The following PDE2A variants were observed in gnomAD, a reference collection of about 807,000 sequenced individuals.
PDE2A encodes cGMP-dependent 3',5'-cyclic phosphodiesterase.
Under a neutral mutation model 133.6 loss-of-function variants are expected in PDE2A, and 53 were observed. The ratio of observed to expected loss-of-function variants is 0.40; its 90% CI spans 0.32 to 0.50. The LOEUF (loss-of-function observed/expected upper bound fraction) is 0.50, where lower values mean the gene tolerates loss of function less well. PDE2A is among the 20% of genes least tolerant of loss of function. PDE2A has a pLI of 0.73. For synonymous variants in PDE2A, 491 were observed against 490.2 expected (o/e 1.00, Z -0.02); for missense variants, 796 against 1,232.4 (o/e 0.65, Z 5.30).
At chr11:72,600,041 G>A (rs1006715453) in intron 4 of PDE2A, among the ~76,000 whole-genome samples, 2 of 152,222 alleles carry the variant, frequency 1.3e-5, no homozygotes, top group African/African-American at 4.8e-5. Context: ...TGAAGGCTTG[G>A]AGGCGAGAAG....
At chr11:72,665,884 G>T (rs1189177016) in intron 1 of PDE2A, among the ~76,000 whole-genome samples, 1 of 149,454 alleles carries the variant, frequency 6.7e-6, no homozygotes, top group Non-Finnish European at 1.5e-5. Flanking sequence ...TTGAATGTTA[G>T]AACGGTGAAA....
intron 2 of PDE2A, chr11:72,621,894 C>T (rs1857788702): frequency 6.6e-6 from 1 of 152,222 alleles, no homozygotes; most frequent in South Asian, 2.1e-4. Context: ...TAACATATTT[C>T]AGCGAAGCAA....
At chr11:72,612,391 A>C (rs1857251329) in intron 2 of PDE2A, among the ~76,000 whole-genome samples, 2 of 151,850 alleles carry the variant, frequency 1.3e-5, no homozygotes, top group South Asian at 4.1e-4. Context: ...AACAAATATC[A>C]GTATAGATAT....
intron 27 of PDE2A, 117 bp from the exon 28 acceptor site, chr11:72,579,126 C>G: frequency 1.1e-6 from 1 of 945,738 alleles, no homozygotes; most frequent in Non-Finnish European, 1.7e-6. Flanking sequence ...TTGATGGGAG[C>G]CAAGGGGCCA....
intron 18 of PDE2A, 102 bp downstream of exon 18, chr11:72,584,449 C>T: frequency 1.4e-6 from 2 of 1,396,490 alleles, no homozygotes; most frequent in Non-Finnish European, 2.0e-6. Context: ...CCCTTATGCT[C>T]CGGGACGCTG....
intron 2 of PDE2A, among the ~76,000 whole-genome samples, chr11:72,618,644 G>A (rs1857593405): frequency 6.6e-6 from 1 of 152,206 alleles, no homozygotes; most frequent in South Asian, 2.1e-4. Context: ...CCCCGGGCCT[G>A]AGTCTCTGTC....
At chr11:72,665,528 C>G (rs529009314) in intron 1 of PDE2A, among the ~76,000 whole-genome samples, 4 of 152,284 alleles carry the variant, frequency 2.6e-5, no homozygotes, top group African/African-American at 4.8e-5. Context: ...GCCCAGGACA[C>G]CAGGAGCACT....
chr11:72,642,399 G>T (rs1238849097), intron 1 of PDE2A, 73 bp from the exon 2 acceptor site: 1 of 1,282,512 alleles, frequency 7.8e-7, no homozygotes, highest in Non-Finnish European at 1.0e-6. Flanking sequence ...CCGCCCGCCC[G>T]CCGGCCCGGC....
chr11:72,639,171 G>A lies in PDE2A; in HGVS notation c.144+3083C>T, dbSNP rs974871078. ...AGCTCTCTCTGGAAGGTATGACCTC[G>A]ATCCCCCTACAGACTGCGTCAGTCT... On this transcript the variant is annotated intron_variant, in intron 2 of 30. Transcript: ENST00000334456. Among the ~76,000 whole-genome samples, 6 of 152,188 alleles carry A rather than the reference G, an allele frequency of 3.9e-5. 1 individual carries two copies. The highest frequency in any genetic ancestry group is 5.9e-5 in the Non-Finnish European group (4 of 68,028).
chr11:72,596,476 T>TCACACACA lies in PDE2A; in HGVS notation c.489+116_489+117insTGTGTGTG, dbSNP rs760226055. ...GCTCCCATCTCTCTCTCTCTCTCTC[T>TCACACACA]CTCTCTCTCACACACACACACACAC... On this transcript the variant is annotated intron_variant, in intron 6 of 30. Coordinates refer to ENST00000334456, the MANE Select transcript of PDE2A (RefSeq NM_002599.5). 1.6e-3 allele frequency: 380 copies of TCACACACA among 237,590 alleles called. 1 individual carries two copies. The highest frequency in any genetic ancestry group is 1.0e-2 in the African/African-American group (258 of 25,848). The allele number at this position is 237,590 out of a possible 1,614,324, so 14.7% of individuals were successfully genotyped here. A position where few individuals can be genotyped will look rare whatever the true frequency, so the allele number is the denominator to read the frequency against.
intron 19 of PDE2A, 179 bp from the exon 20 acceptor site, chr11:72,583,694 C>CT (rs397824352): frequency 1.2e-5 from 7 of 597,800 alleles, no homozygotes; most frequent in Middle Eastern, 4.4e-4. Context: ...ATCCAGACCC[C>CT]GCGCCGGTTC....
intron 25 of PDE2A, 126 bp from the exon 26 acceptor site, chr11:72,579,734 G>A (rs979905914): frequency 1.5e-6 from 1 of 662,582 alleles, no homozygotes; most frequent in Non-Finnish European, 2.6e-6. Flanking sequence ...TCAGAAAGGG[G>A]GAGTCAGGGG....
chr11:72,585,977 C>A, intron 14 of PDE2A, 93 bp downstream of exon 14: 1 of 787,878 alleles, frequency 1.3e-6, no homozygotes, highest in South Asian at 1.5e-5. Context: ...GCCACCAGTC[C>A]AGAAAGACAT....
chr11:72,584,824 G>A (rs1565150858), intron 17 of PDE2A, 48 bp downstream of exon 17: 5 of 1,609,616 alleles, frequency 3.1e-6, no homozygotes, highest in Non-Finnish European at 3.4e-6. Flanking sequence ...GCCGCCGGCG[G>A]ACTCCCGGAC....
chr11:72,656,124 T>A (rs1284328169), intron 1 of PDE2A, among the ~76,000 whole-genome samples: 2 of 152,132 alleles, frequency 1.3e-5, no homozygotes, highest in Admixed American at 6.5e-5. Flanking sequence ...CCAACCATGC[T>A]GCACAGTGGG....
rs528018947 is a variant in PDE2A, at chr11:72,648,071, C to T, written c.72-5745G>A. ...CAGGAATAGCATGTGCGTGCTTTCA[C>T]GTGTGAATGTGTGTGCAAGTATGTG... is the stretch of plus-strand genomic sequence containing the variant. On this transcript the variant is annotated intron_variant, in intron 1 of 30. Transcript: ENST00000334456. Among the ~76,000 whole-genome samples the T allele has an allele frequency of 7.2e-5, 11 of 152,260 alleles. No individual in the cohort carries two copies. In the South Asian group the frequency reaches 8.3e-4, roughly 11 times the overall value.
chr11:72,626,498 T>G (rs1436190261), intron 2 of PDE2A, among the ~76,000 whole-genome samples: 2 of 152,214 alleles, frequency 1.3e-5, no homozygotes, highest in African/African-American at 2.4e-5. Flanking sequence ...AAGTAGCACA[T>G]CTGGCAGCTA....
chr11:72,639,063 T>C (rs533638067), intron 2 of PDE2A, among the ~76,000 whole-genome samples: 1 of 152,202 alleles, frequency 6.6e-6, no homozygotes, highest in Non-Finnish European at 1.5e-5. Context: ...CTCAGACTTC[T>C]CTAAGCCTTC....
At chr11:72,592,004 C>T (rs531520987) in intron 6 of PDE2A, among the ~76,000 whole-genome samples, 6 of 152,300 alleles carry the variant, frequency 3.9e-5, no homozygotes, top group South Asian at 2.1e-4. Flanking sequence ...CACTCCCTCC[C>T]GTTCTCTGCC....
Sources: allele counts gnomAD v4.1 joint callset (sites outside exome capture counted in the v4.1 genomes callset), GRCh38; gene constraint gnomAD v4.1.1; transcripts MANE v1.5; gene names NCBI Gene and HGNC (gene_info 2026-07-23, HGNC 2026-07-21).